Variants in DTX4 observed in about 807,000 individuals in gnomAD.
The protein encoded by DTX4 is deltex E3 ubiquitin ligase 4.
DTX4 carries 28 observed loss-of-function variants against 57.6 expected under a neutral mutation model. That is an observed-to-expected ratio of 0.49 (90% CI 0.36 to 0.67). DTX4 has a LOEUF of 0.67. DTX4 is among the 30% of genes least tolerant of loss of function. The pLI is 0.00. For synonymous variants in DTX4, 316 were observed against 331.0 expected (o/e 0.95, Z 0.49); for missense variants, 715 against 836.8 (o/e 0.85, Z 1.80).
rs1484196980 is a variant in DTX4 at position 59,195,286 on chromosome 11, T to C, written c.1453T>C (p.Tyr485His). 6.2e-7 allele frequency: 1 copy of C among 1,613,752 alleles called. No individual in the cohort carries two copies. The highest frequency in any genetic ancestry group is 1.1e-5 in the South Asian group (1 of 91,078). Residue 485 changes from tyrosine (Y) to histidine (H), a missense_variant, in exon 7 of 9, where the codon TAC becomes CAC. Coordinates refer to ENST00000227451, the MANE Select transcript of DTX4 (RefSeq NM_015177.2). ...TGTQPPGKME[Y>H]HLIPHSLPGH... ...CACCCAACCTCCAGGGAAGATGGAG[T>C]ACCACCTCATCCCCCACTCCTTGCC...
intron 4 of DTX4, 83 bp downstream of exon 4, chr11:59,189,406 T>C (rs1168853441): frequency 7.4e-7 from 1 of 1,351,858 alleles, no homozygotes; most frequent in Non-Finnish European, 1.0e-6. Flanking sequence ...CCAAGGGTCA[T>C]AGCCACGGCT....
At position 59,205,581 on chromosome 11, in the gene DTX4, GCATCTGGTTCTCT is replaced by G. The variant is rs1309463411; in HGVS notation, c.*676_*688del. Reference sequence around the variant, plus strand: ...TCACAGCTCTCACCTGTCCAAAGAGGCATCTGGTTCTCTCATGTGGATGGATGGACTCTGGGGT... The same window carrying G: ...TCACAGCTCTCACCTGTCCAAAGAGGCATGTGGATGGATGGACTCTGGGGT... On this transcript the variant is annotated 3_prime_UTR_variant, in exon 9 of 9. Coordinates refer to ENST00000227451, the MANE Select transcript of DTX4 (RefSeq NM_015177.2). 1 of 153,390 alleles carries G rather than the reference GCATCTGGTTCTCT, an allele frequency of 6.5e-6. No individual in the cohort carries two copies. The highest frequency in any genetic ancestry group is 1.5e-5 in the Non-Finnish European group (1 of 68,620). 9.5% of individuals were successfully genotyped at this position (153,390 alleles called of 1,614,324 possible).
rs1341868680 is a variant in DTX4, at chr11:59,192,133, C to T, written c.1257C>T (p.Pro419=). The T allele has an allele frequency of 3.1e-6, 5 of 1,613,880 alleles. No homozygotes were observed. Among genetic ancestry groups the T allele is most frequent in the South Asian group, 1.1e-5 (1 of 91,080 alleles). Residue 419 remains proline, a synonymous_variant, in exon 6 of 9, where the codon CCC becomes CCT. Transcript: ENST00000227451. ...CTICMERLTA[P]SGYKGPQPTV... ...TCTGTATGGAACGCCTCACGGCCCCCTCAGGCTACAAGGGCCCGCAGCCTA... is the reference window on the plus strand; with the variant it reads ...TCTGTATGGAACGCCTCACGGCCCCTTCAGGCTACAAGGGCCCGCAGCCTA...
intron 8 of DTX4, among the ~76,000 whole-genome samples, chr11:59,202,018 G>T (rs1398806981): frequency 6.6e-6 from 1 of 152,154 alleles, no homozygotes; most frequent in East Asian, 1.9e-4. Context: ...CCCTGCCACT[G>T]CCAACATAGA....
rs1227759202 is a variant in DTX4 at position 59,207,990 on chromosome 11, T to A, written c.*3081T>A. ...AGAAAGGACCCCTGACCCCTTTCCT[T>A]CTCTGTGGTCCCCGGCATTAGATTG... On this transcript the variant is annotated 3_prime_UTR_variant, in exon 9 of 9. Coordinates refer to ENST00000227451, the MANE Select transcript of DTX4 (RefSeq NM_015177.2). 1 of 152,636 alleles carries A rather than the reference T, an allele frequency of 6.6e-6. No individual in the cohort carries two copies. The highest frequency in any genetic ancestry group is 2.4e-5 in the African/African-American group (1 of 41,410). The allele number at this position is 152,636 out of a possible 1,614,324, so 9.5% of individuals were successfully genotyped here.
intron 7 of DTX4, among the ~76,000 whole-genome samples, chr11:59,199,303 T>A (rs1260755201): frequency 2.6e-5 from 4 of 152,210 alleles, no homozygotes. Context: ...TGTAAGACAA[T>A]AGATGATGAA....
At chr11:59,186,139 TCTC>T (rs1358599914) in intron 2 of DTX4, among the ~76,000 whole-genome samples, 4 of 152,098 alleles carry the variant, frequency 2.6e-5, no homozygotes, top group Non-Finnish European at 5.9e-5. Flanking sequence ...ATGTCATTCC[TCTC>T]CTCAAGTGGC....
chr11:59,192,136 A>G lies in DTX4; in HGVS notation c.1260A>G (p.Ser420=). 1 of 1,613,840 alleles carries G rather than the reference A, an allele frequency of 6.2e-7. No individual in the cohort carries two copies. The highest frequency in any genetic ancestry group is 8.5e-7 in the Non-Finnish European group (1 of 1,179,880). Residue 420 remains serine, a synonymous_variant, in exon 6 of 9, where the codon TCA becomes TCG. Transcript: ENST00000227451. ...TICMERLTAP[S]GYKGPQPTVK... ...GTATGGAACGCCTCACGGCCCCCTC[A>G]GGCTACAAGGGCCCGCAGCCTACGG... is the stretch of plus-strand genomic sequence containing the variant.
intron 1 of DTX4, among the ~76,000 whole-genome samples, chr11:59,179,874 CT>C (rs1374267245): frequency 2.0e-5 from 3 of 151,878 alleles, no homozygotes; most frequent in Non-Finnish European, 4.4e-5. Context: ...AACTTTTTCT[CT>C]CTCTCTTTCT....
chr11:59,182,667 T>G (rs1862482104), intron 2 of DTX4, among the ~76,000 whole-genome samples: 2 of 152,154 alleles, frequency 1.3e-5, no homozygotes, highest in Admixed American at 1.3e-4. Flanking sequence ...TGGACTCTGG[T>G]TGAGACTTTG....
At position 59,206,948 on chromosome 11, in the gene DTX4, C is replaced by A. The variant is rs1164526448; in HGVS notation, c.*2039C>A. 1 of 152,392 alleles carries A rather than the reference C, an allele frequency of 6.6e-6. No individual in the cohort carries two copies. Among genetic ancestry groups the A allele is most frequent in the African/African-American group, 2.4e-5 (1 of 41,428 alleles). 9.4% of individuals were successfully genotyped at this position (152,392 alleles called of 1,614,324 possible). A position where few individuals can be genotyped will look rare whatever the true frequency, so the allele number is the denominator to read the frequency against. On this transcript the variant is annotated 3_prime_UTR_variant, in exon 9 of 9. Transcript: ENST00000227451. ...TACTGCACCACAGGGCAATTTCCTGCCATAGTTAGGAAGGAAACACCTGAA... is the reference window on the plus strand; with the variant it reads ...TACTGCACCACAGGGCAATTTCCTGACATAGTTAGGAAGGAAACACCTGAA...
chr11:59,188,871 G>GA lies in DTX4; in HGVS notation c.997+82dup, dbSNP rs536216857. The GA allele has an allele frequency of 4.9e-4, 659 of 1,352,292 alleles. 2 individuals are homozygous for GA. The highest frequency in any genetic ancestry group is 3.9e-3 in the South Asian group (313 of 80,898). 83.8% of individuals were successfully genotyped at this position (1,352,292 alleles called of 1,614,324 possible). A position where few individuals can be genotyped will look rare whatever the true frequency, so the allele number is the denominator to read the frequency against. ...ATGAAATAGGTCATGAGCATTTGTG[G>GA]AAAAAAAGGAGAGAATCTAGATATT... is the stretch of plus-strand genomic sequence containing the variant. On this transcript the variant is annotated intron_variant, in intron 3 of 8. Coordinates refer to ENST00000227451, the MANE Select transcript of DTX4 (RefSeq NM_015177.2).
At chr11:59,194,997 T>C (rs1368168182) in intron 6 of DTX4, 49 of 601,394 alleles carry the variant, frequency 8.1e-5, no homozygotes, top group Non-Finnish European at 1.4e-4. Context: ...GCATGGAGCA[T>C]GGGACCAGTT....
Position 59,182,080 on chromosome 11 carries a change from C to A in DTX4, c.553C>A (p.Pro185Thr), listed in dbSNP as rs771614526. ...PVSPGPATSPPMSPCSCPQCV... is the reference protein window; with the variant it reads ...PVSPGPATSPTMSPCSCPQCV... ...CAGCCCTGGGCCAGCCACCTCGCCC[C>A]CCATGTCCCCCTGCTCCTGTCCCCA... Residue 185 changes from proline to threonine, a missense_variant, in exon 2 of 9, where the codon CCC becomes ACC. By Grantham distance (38) the Pro-to-Thr change is conservative (BLOSUM62 -1). Transcript: ENST00000227451. 1.2e-6 allele frequency: 2 copies of A among 1,612,546 alleles called. No individual in the cohort carries two copies. The highest frequency in any genetic ancestry group is 1.7e-6 in the Non-Finnish European group (2 of 1,179,136).
chr11:59,183,304 C>T (rs572158695), intron 2 of DTX4, among the ~76,000 whole-genome samples: 2 of 152,252 alleles, frequency 1.3e-5, no homozygotes, highest in South Asian at 2.1e-4. Context: ...ATTGGAATAC[C>T]GGCCTATTTT....
intron 7 of DTX4, among the ~76,000 whole-genome samples, chr11:59,197,301 T>TA (rs111575698): frequency 0.1 from 15,839 of 151,950 alleles, 1,023 homozygotes; most frequent in East Asian, 0.29. Flanking sequence ...TAGAAAGACA[T>TA]AAAAAAATGG....
At chr11:59,192,069 C>T in intron 5 of DTX4, 29 bp from the exon 6 acceptor site, 1 of 1,600,162 alleles carries the variant, frequency 6.2e-7, no homozygotes, top group Non-Finnish European at 8.5e-7. Flanking sequence ...GAGCTGACAG[C>T]CTCTCTGCTG....
At chr11:59,176,683 C>G (rs917437989) in intron 1 of DTX4, among the ~76,000 whole-genome samples, 1 of 152,228 alleles carries the variant, frequency 6.6e-6, no homozygotes, top group Admixed American at 6.5e-5. Flanking sequence ...GACCTCAGTG[C>G]ATGCCTGGAA....
chr11:59,191,033 C>G (rs1862591163), intron 4 of DTX4, 81 bp from the exon 5 acceptor site: 2 of 1,361,894 alleles, frequency 1.5e-6, no homozygotes, highest in Admixed American at 4.2e-5. Context: ...ATAACGTCCC[C>G]CTCTACCATG....
Sources: allele counts gnomAD v4.1 joint callset (sites outside exome capture counted in the v4.1 genomes callset), GRCh38; gene constraint gnomAD v4.1.1; transcripts MANE v1.5; gene names NCBI Gene and HGNC (gene_info 2026-07-23, HGNC 2026-07-21).